The following DACH2 variants were observed in gnomAD, a reference collection of about 807,000 sequenced individuals.
DACH2 encodes dachshund homolog 2.
In DACH2, 17 loss-of-function variants were observed where a neutral mutation model predicts 35.8. That is an observed-to-expected ratio of 0.48 (90% CI 0.33 to 0.71). The LOEUF (loss-of-function observed/expected upper bound fraction) is 0.71. DACH2 is among the 30% of genes least tolerant of loss of function. The pLI is 0.02. For synonymous variants in DACH2, 195 were observed against 177.3 expected, an observed-to-expected ratio of 1.10 and a Z score of -0.79; for missense variants, 469 against 472.7, an observed-to-expected ratio of 0.99 and a Z score of 0.07.
intron 1 of DACH2, among the ~76,000 whole-genome samples, chrX:86,351,146 G>C (rs1239952049): frequency 2.0e-4 from 4 of 19,632 alleles, no homozygotes; most frequent in Non-Finnish European, 2.8e-4. Context: ...TTGTGAATGG[G>C]AGTTCACCCA....
intron 4 of DACH2, among the ~76,000 whole-genome samples, chrX:86,694,265 C>T (rs1278262622): frequency 2.7e-5 from 3 of 112,371 alleles, no homozygotes; most frequent in Admixed American, 9.4e-5. Context: ...CCACCCTTTA[C>T]TCCCCTGTTT....
At chrX:86,192,373 TTA>T (rs1407270713) in intron 1 of DACH2, among the ~76,000 whole-genome samples, 1 of 112,194 alleles carries the variant, frequency 8.9e-6, no homozygotes, top group Non-Finnish European at 1.9e-5. Context: ...GACTGAAACA[TTA>T]TAATTAATTT....
At chrX:86,732,932 C>T (rs1052194718) in intron 6 of DACH2, among the ~76,000 whole-genome samples, 7 of 111,285 alleles carry the variant, frequency 6.3e-5, no homozygotes, top group African/African-American at 2.3e-4. Flanking sequence ...TATTGGCCTA[C>T]AGCATTGATT....
At chrX:86,402,504 C>A (rs899572989) in intron 2 of DACH2, among the ~76,000 whole-genome samples, 1 of 110,813 alleles carries the variant, frequency 9.0e-6, no homozygotes, top group Non-Finnish European at 1.9e-5. Context: ...AGGAGAAATA[C>A]AAGACATTGC....
chrX:86,660,494 A>G (rs2040594105), intron 4 of DACH2, among the ~76,000 whole-genome samples: 1 of 112,089 alleles, frequency 8.9e-6, no homozygotes, highest in Admixed American at 9.5e-5. Flanking sequence ...AACTGGGCCA[A>G]AAAATAATAG....
intron 3 of DACH2, among the ~76,000 whole-genome samples, chrX:86,530,007 T>C (rs866388825): frequency 1.3e-5 from 1 of 74,663 alleles, no homozygotes; most frequent in South Asian, 7.1e-4. Context: ...ACACACACAA[T>C]CACATTTTCT....
intron 2 of DACH2, among the ~76,000 whole-genome samples, chrX:86,398,911 C>T (rs189142498): frequency 2.7e-5 from 3 of 111,759 alleles, no homozygotes; most frequent in African/African-American, 9.8e-5. Flanking sequence ...CCACTTGGTG[C>T]AGAGCTGAGT....
intron 7 of DACH2, among the ~76,000 whole-genome samples, chrX:86,773,018 T>G (rs1462455734): frequency 8.9e-6 from 1 of 111,864 alleles, no homozygotes; most frequent in Non-Finnish European, 1.9e-5. Context: ...TGCCAAGGGC[T>G]TAAAATCTGA....
At chrX:86,524,290 T>C (rs995786631) in intron 3 of DACH2, among the ~76,000 whole-genome samples, 4 of 112,302 alleles carry the variant, frequency 3.6e-5, no homozygotes, top group African/African-American at 1.3e-4. Context: ...TCAGGATTGC[T>C]CCTTGGATGA....
At chrX:86,518,641 T>C (rs2038507864) in intron 3 of DACH2, among the ~76,000 whole-genome samples, 1 of 112,039 alleles carries the variant, frequency 8.9e-6, no homozygotes, top group Non-Finnish European at 1.9e-5. Context: ...CTAGATGTTT[T>C]ATTGATTTTA....
At chrX:86,225,596 A>G (rs2032806217) in intron 1 of DACH2, among the ~76,000 whole-genome samples, 1 of 111,212 alleles carries the variant, frequency 9.0e-6, no homozygotes, top group Non-Finnish European at 1.9e-5. Context: ...AAAAAAGTCT[A>G]TAGCTAAAAA....
intron 1 of DACH2, among the ~76,000 whole-genome samples, chrX:86,195,367 C>T (rs1246346336): frequency 1.8e-5 from 2 of 111,568 alleles, no homozygotes; most frequent in Non-Finnish European, 3.8e-5. Flanking sequence ...CCCTCCCCCA[C>T]CCTGAGTTAC....
intron 1 of DACH2, among the ~76,000 whole-genome samples, chrX:86,208,809 G>T (rs111288974): frequency 0.066 from 7,321 of 111,161 alleles, 600 homozygotes; most frequent in African/African-American, 0.22. Context: ...ATTGCGTTTT[G>T]TCCTGGAAGT....
chrX:86,493,237 G>GA lies in DACH2; in HGVS notation c.528-21036dup, dbSNP rs778551827. On this transcript the variant is annotated intron_variant, in intron 2 of 11. Coordinates refer to ENST00000373125, the MANE Select transcript of DACH2 (RefSeq NM_053281.3). ...TTTTCAAGTTAAATTTGACAAATAA[G>GA]AAAAAAGTGAATATAAACCCTAAAT... Among the ~76,000 whole-genome samples, 4 of 111,334 alleles carry GA rather than the reference G, an allele frequency of 3.6e-5. No individual in the cohort carries two copies. The Admixed American group carries it at 3.8e-4, about 11-fold the overall frequency.
intron 2 of DACH2, among the ~76,000 whole-genome samples, chrX:86,426,804 G>C (rs1156809786): frequency 9.0e-6 from 1 of 111,421 alleles, no homozygotes; most frequent in Admixed American, 9.6e-5. Context: ...ATTTCCATTT[G>C]CCTTTATTCA....
At chrX:86,498,148 G>C (rs2038199154) in intron 2 of DACH2, among the ~76,000 whole-genome samples, 1 of 111,764 alleles carries the variant, frequency 8.9e-6, no homozygotes, top group Admixed American at 9.5e-5. Context: ...TTCACTCACT[G>C]ACTGACTAAA....
intron 4 of DACH2, among the ~76,000 whole-genome samples, chrX:86,688,718 T>C (rs1220269574): frequency 8.9e-6 from 1 of 112,016 alleles, no homozygotes; most frequent in East Asian, 2.8e-4. Flanking sequence ...TCAGACATGT[T>C]GAATTGAAGA....
chrX:86,274,151 C>A (rs1390292414), intron 1 of DACH2, among the ~76,000 whole-genome samples: 1 of 110,883 alleles, frequency 9.0e-6, no homozygotes, highest in Non-Finnish European at 1.9e-5. Context: ...ACTCTCCAAC[C>A]TTCAAATATC....
chrX:86,431,225 C>A (rs774424412), intron 2 of DACH2, among the ~76,000 whole-genome samples: 1 of 111,435 alleles, frequency 9.0e-6, no homozygotes, highest in African/African-American at 3.3e-5. Flanking sequence ...AGTGCATAGC[C>A]AGCCTTACAT....
Sources: allele counts gnomAD v4.1 joint callset (sites outside exome capture counted in the v4.1 genomes callset), GRCh38; gene constraint gnomAD v4.1.1; transcripts MANE v1.5; gene names NCBI Gene and HGNC (gene_info 2026-07-23, HGNC 2026-07-21).